The following LMF1 variants were observed in gnomAD, a reference collection of about 807,000 sequenced individuals.
LMF1 encodes transmembrane protein 112.
LMF1 carries 68 observed loss-of-function variants against 60.6 expected under a neutral mutation model. That is an observed-to-expected ratio of 1.12 (90% CI 0.92 to 1.37). LMF1 has a LOEUF of 1.37. Among genes scored for constraint, LMF1 ranks in the 40% most tolerant of loss-of-function variants. LMF1 has a pLI of 0.00. For synonymous variants in LMF1, 418 were observed against 324.7 expected, an observed-to-expected ratio of 1.29 and a Z score of -3.09; for missense variants, 948 against 767.2, an observed-to-expected ratio of 1.24 and a Z score of -2.78.
rs984335697 is a variant in LMF1 at position 917,383 on chromosome 16, C to T, written c.515-6304G>A. Reference sequence around the variant, plus strand: ...CACGTGAAGAAATGCCACACGTGTGCGCTGCGGGCGGGCGCAGGCCCACGT... The same window carrying T: ...CACGTGAAGAAATGCCACACGTGTGTGCTGCGGGCGGGCGCAGGCCCACGT... On this transcript the variant is annotated intron_variant, in intron 3 of 10. Transcript: ENST00000262301. 1.9e-4 allele frequency among the ~76,000 whole-genome samples: 20 copies of T among 107,088 alleles called. 2 individuals carry two copies. Among genetic ancestry groups the T allele is most frequent in the African/African-American group, 6.0e-4 (12 of 20,124 alleles). 70.3% of individuals were successfully genotyped at this position (107,088 alleles called of 152,430 possible).
intron 2 of LMF1, among the ~76,000 whole-genome samples, chr16:952,400 A>C (rs2072497555): frequency 6.6e-6 from 1 of 152,080 alleles, no homozygotes; most frequent in Non-Finnish European, 1.5e-5. Context: ...GATCAGAGCA[A>C]TCTGAGCCTC....
intron 3 of LMF1, among the ~76,000 whole-genome samples, chr16:913,702 G>C (rs1445916834): frequency 6.6e-6 from 1 of 152,228 alleles, no homozygotes; most frequent in Admixed American, 6.5e-5. Context: ...CCATTCACAG[G>C]CGTCTCGGGG....
At chr16:864,737 G>C (rs993091129) in intron 10 of LMF1, among the ~76,000 whole-genome samples, 1 of 150,710 alleles carries the variant, frequency 6.6e-6, no homozygotes, top group East Asian at 1.9e-4. Flanking sequence ...GGTCACTGTA[G>C]CCTCAGCTTC....
At chr16:919,375 G>C (rs1162814857) in intron 3 of LMF1, among the ~76,000 whole-genome samples, 2 of 152,034 alleles carry the variant, frequency 1.3e-5, no homozygotes, top group African/African-American at 4.8e-5. Flanking sequence ...TGTGGCCTCT[G>C]CTTCATCTCT....
intron 5 of LMF1, among the ~76,000 whole-genome samples, chr16:892,492 AG>A (rs1321821061): frequency 6.6e-6 from 1 of 152,252 alleles, no homozygotes; most frequent in Non-Finnish European, 1.5e-5. Flanking sequence ...AGCAGTTGGC[AG>A]GAACTGGGGC....
At chr16:963,938 A>G (rs998629010) in intron 1 of LMF1, 1 of 418,090 alleles carries the variant, frequency 2.4e-6, no homozygotes. Context: ...AGGCTCTCAA[A>G]ACAAAACTAA....
At chr16:916,580 T>TGC in intron 3 of LMF1, among the ~76,000 whole-genome samples, 1 of 152,296 alleles carries the variant, frequency 6.6e-6, no homozygotes, top group African/African-American at 2.4e-5. Context: ...CGGCTCTCGC[T>TGC]GCGCGCCAGT....
intron 2 of LMF1, among the ~76,000 whole-genome samples, chr16:937,469 C>G (rs369871894): frequency 6.6e-6 from 1 of 152,212 alleles, no homozygotes; most frequent in Non-Finnish European, 1.5e-5. Flanking sequence ...ACCTGACTGA[C>G]AGGCCGCTGG....
chr16:882,546 G>A (rs909398947), intron 5 of LMF1, among the ~76,000 whole-genome samples: 36 of 152,252 alleles, frequency 2.4e-4, no homozygotes, highest in African/African-American at 8.4e-4. Context: ...CTATCAGCTC[G>A]TGAATGACCC....
At chr16:955,776 C>T (rs561653238) in intron 1 of LMF1, among the ~76,000 whole-genome samples, 1 of 152,394 alleles carries the variant, frequency 6.6e-6, no homozygotes, top group East Asian at 1.9e-4. Context: ...ACCAACCGGA[C>T]TGCACTCAGC....
intron 4 of LMF1, among the ~76,000 whole-genome samples, chr16:894,417 C>T (rs1443393954): frequency 2.7e-5 from 4 of 150,586 alleles, no homozygotes; most frequent in East Asian, 2.0e-4. Flanking sequence ...GACCGTCCGT[C>T]GACTCATCCC....
chr16:954,103 C>T lies in LMF1; in HGVS notation c.503+254G>A, dbSNP rs2072601831. The T allele has an allele frequency of 6.6e-6, 4 of 602,814 alleles. No homozygotes were observed. The East Asian group carries it at 1.0e-4, about 15-fold the overall frequency. The allele number at this position is 602,814 out of a possible 1,614,324, so 37.3% of individuals were successfully genotyped here. A position where few individuals can be genotyped will look rare whatever the true frequency, so the allele number is the denominator to read the frequency against. ...CTCCCTTTCCCCATCCCTCTGGCTCCAGTAAGCTGGCAACGCAGTCCTTTA... is the reference window on the plus strand; with the variant it reads ...CTCCCTTTCCCCATCCCTCTGGCTCTAGTAAGCTGGCAACGCAGTCCTTTA... On this transcript the variant is annotated intron_variant, in intron 2 of 10. Transcript: ENST00000262301.
intron 2 of LMF1, among the ~76,000 whole-genome samples, chr16:949,494 CGACAGAGTTAGAGACAAT>C (rs2072374045): frequency 7.4e-6 from 1 of 134,642 alleles, no homozygotes; most frequent in Non-Finnish European, 1.5e-5. Context: ...TCAGAGACAA[CGACAGAGTTAGAGACAAT>C]GACAGAGTCA....
At chr16:859,151 T>C (rs1596830660) in intron 10 of LMF1, among the ~76,000 whole-genome samples, 1 of 114,980 alleles carries the variant, frequency 8.7e-6, no homozygotes, top group Admixed American at 8.8e-5. Context: ...GGGACGGGTG[T>C]GCAGTGGTGT....
chr16:872,696 C>A (rs577052423), intron 6 of LMF1: 1 of 152,482 alleles, frequency 6.6e-6, no homozygotes, highest in East Asian at 1.9e-4. Flanking sequence ...TGAGGTCTGA[C>A]CTTTGGGCCC....
intron 7 of LMF1, 133 bp downstream of exon 7, chr16:871,028 G>C: frequency 7.2e-7 from 1 of 1,393,704 alleles, no homozygotes; most frequent in Non-Finnish European, 9.6e-7. Flanking sequence ...CCTTGTTCCT[G>C]GCACGCTACA....
intron 10 of LMF1, chr16:855,053 C>T: frequency 2.6e-6 from 1 of 382,822 alleles, no homozygotes; most frequent in South Asian, 2.7e-5. Context: ...TTCACAAGGC[C>T]CCAGTTTGAG....
Position 925,528 on chromosome 16 carries a change from A to G in LMF1, c.514+8716T>C, listed in dbSNP as rs2071568336. Reference sequence around the variant, plus strand: ...GAGGACAGTTTGAGCCTAGGAGTTCAAGACCAGCCTGGACAACATAGCAAG... The same window carrying G: ...GAGGACAGTTTGAGCCTAGGAGTTCGAGACCAGCCTGGACAACATAGCAAG... On this transcript the variant is annotated intron_variant, in intron 3 of 10. Transcript: ENST00000262301. Among the ~76,000 whole-genome samples, 5 of 152,312 alleles carry G rather than the reference A, an allele frequency of 3.3e-5. No homozygotes were observed. The South Asian group carries it at 1.0e-3, about 32-fold the overall frequency.
At chr16:893,155 C>A in intron 4 of LMF1, 83 bp from the exon 5 acceptor site, 1 of 1,232,930 alleles carries the variant, frequency 8.1e-7, no homozygotes, top group South Asian at 1.3e-5. Context: ...CCCAGGAAGA[C>A]GAACCATCCA....
Sources: gnomAD v4.1 joint callset for allele counts (sites outside exome capture counted in the v4.1 genomes callset) on GRCh38, gnomAD v4.1.1 for gene constraint, MANE v1.5 for transcripts, NCBI Gene and HGNC (gene_info 2026-07-23, HGNC 2026-07-21) for gene names.